Variants in EDN1 observed in about 807,000 individuals in gnomAD.
The protein encoded by EDN1 is endothelin 1, also known as endothelin-1.
In EDN1, 11 loss-of-function variants were observed where a neutral mutation model predicts 21.7. The observed-to-expected ratio is 0.51, with a 90% CI of 0.32 to 0.84. The LOEUF (loss-of-function observed/expected upper bound fraction) is 0.84, where lower values mean the gene tolerates loss of function less well. EDN1 is among the 40% of genes least tolerant of loss of function. The pLI is 0.03. For synonymous variants in EDN1, 85 were observed against 90.6 expected (o/e 0.94, Z 0.35); for missense variants, 244 against 262.3 (o/e 0.93, Z 0.48).
the EDN1 span, among the ~76,000 whole-genome samples, chr6:12,245,169 C>A: frequency 2.1e-4 from 32 of 152,284 alleles, no homozygotes; most frequent in Middle Eastern, 6.8e-3. Flanking sequence ...GCATTTTCAG[C>A]AGCTTTTTTC....
chr6:12,279,675 A>G, the EDN1 span, among the ~76,000 whole-genome samples: 11 of 152,240 alleles, frequency 7.2e-5, no homozygotes, highest in African/African-American at 2.2e-4. Flanking sequence ...TTCATTTTGC[A>G]GAAAGATGCC....
chr6:12,233,282 T>C, the EDN1 span, among the ~76,000 whole-genome samples: 1 of 152,208 alleles, frequency 6.6e-6, no homozygotes, highest in Admixed American at 6.5e-5. Context: ...CCTAAATCCC[T>C]CTTAGCATCC....
At chr6:12,266,560 A>G in the EDN1 span, among the ~76,000 whole-genome samples, 1 of 152,184 alleles carries the variant, frequency 6.6e-6, no homozygotes, top group Non-Finnish European at 1.5e-5. Context: ...ACGACTCTAC[A>G]GACTTGCAAG....
chr6:12,278,402 C>T, the EDN1 span, among the ~76,000 whole-genome samples: 9 of 152,268 alleles, frequency 5.9e-5, no homozygotes, highest in African/African-American at 1.7e-4. Context: ...CTTCAGAAGA[C>T]GCGATATAAT....
the EDN1 span, among the ~76,000 whole-genome samples, chr6:12,232,828 A>G: frequency 8.5e-5 from 13 of 152,238 alleles, no homozygotes; most frequent in Admixed American, 7.2e-4. Context: ...GTTGTTGGGT[A>G]CAGCCTTCAC....
At chr6:12,259,717 C>T in the EDN1 span, among the ~76,000 whole-genome samples, 1 of 151,722 alleles carries the variant, frequency 6.6e-6, no homozygotes, top group African/African-American at 2.4e-5. Context: ...AGCTCTCAAA[C>T]AAAATAGATA....
chr6:12,237,776 C>T, the EDN1 span, among the ~76,000 whole-genome samples: 1 of 152,138 alleles, frequency 6.6e-6, no homozygotes, highest in Admixed American at 6.6e-5. Context: ...ATTGTCTCTA[C>T]TATAGAAAGT....
At chr6:12,233,963 G>T in the EDN1 span, among the ~76,000 whole-genome samples, 2 of 152,074 alleles carry the variant, frequency 1.3e-5, no homozygotes, top group African/African-American at 4.8e-5. Flanking sequence ...CCAAATAAAG[G>T]CTTCAGCTTT....
chr6:12,281,296 T>C, the EDN1 span, among the ~76,000 whole-genome samples: 1 of 152,240 alleles, frequency 6.6e-6, no homozygotes, highest in African/African-American at 2.4e-5. Flanking sequence ...GCACATTTTC[T>C]TTCATGTTCT....
chr6:12,249,172 A>C, the EDN1 span, among the ~76,000 whole-genome samples: 1 of 152,300 alleles, frequency 6.6e-6, no homozygotes, highest in East Asian at 1.9e-4. Context: ...AGCTCATATC[A>C]ATGCTGCTGG....
chr6:12,258,418 C>T, the EDN1 span, among the ~76,000 whole-genome samples: 2 of 129,700 alleles, frequency 1.5e-5, no homozygotes, highest in East Asian at 5.1e-4. Context: ...CCACCACATT[C>T]CAGCCTGGGT....
the EDN1 span, among the ~76,000 whole-genome samples, chr6:12,238,023 ATT>A: frequency 2.0e-5 from 3 of 151,860 alleles, no homozygotes; most frequent in Non-Finnish European, 4.4e-5. Flanking sequence ...CACAAAAAAT[ATT>A]TGTCAGGCCT....
At chr6:12,286,567 G>A (rs899312574), upstream of EDN1, among the ~76,000 whole-genome samples, 6 of 152,208 alleles carry the variant, frequency 3.9e-5, no homozygotes, top group Non-Finnish European at 7.3e-5. Flanking sequence ...CTTAACGACT[G>A]TTAGCTTTGC....
chr6:12,287,789 A>C (rs1762586918), upstream of EDN1, among the ~76,000 whole-genome samples: 1 of 151,020 alleles, frequency 6.6e-6, no homozygotes, highest in Non-Finnish European at 1.5e-5. Flanking sequence ...CACGTCTTGC[A>C]AATTCAGGAT....
At chr6:12,276,895 T>C in the EDN1 span, among the ~76,000 whole-genome samples, 42 of 152,354 alleles carry the variant, frequency 2.8e-4, no homozygotes, top group Non-Finnish European at 5.6e-4. Context: ...TAGTTTTGCA[T>C]TGATAAATAT....
chr6:12,265,076 A>G, the EDN1 span, among the ~76,000 whole-genome samples: 1 of 152,226 alleles, frequency 6.6e-6, no homozygotes, highest in African/African-American at 2.4e-5. Flanking sequence ...GCAGAGTCAG[A>G]GATGAATATG....
chr6:12,246,629 C>T, the EDN1 span, among the ~76,000 whole-genome samples: 1 of 139,946 alleles, frequency 7.1e-6, no homozygotes, highest in South Asian at 2.5e-4. Context: ...TTCTCTTTTC[C>T]TCCTTTTGTA....
the EDN1 span, among the ~76,000 whole-genome samples, chr6:12,258,120 C>T: frequency 1.1e-4 from 16 of 151,746 alleles, no homozygotes; most frequent in African/African-American, 3.6e-4. Context: ...AGTATAATTG[C>T]AAGCGGAGGT....
At chr6:12,233,479 A>G in the EDN1 span, among the ~76,000 whole-genome samples, 1 of 152,226 alleles carries the variant, frequency 6.6e-6, no homozygotes, top group African/African-American at 2.4e-5. Flanking sequence ...CGACTGCACC[A>G]GGACCAAAGC....
Sources: allele counts gnomAD v4.1 joint callset (sites outside exome capture counted in the v4.1 genomes callset), GRCh38; gene constraint gnomAD v4.1.1; transcripts MANE v1.5; gene names NCBI Gene and HGNC (gene_info 2026-07-23, HGNC 2026-07-21).